NUP210L: variants seen among roughly 807,000 people sequenced by gnomAD.
The protein encoded by NUP210L is nuclear pore membrane glycoprotein 210-like.
Under a neutral mutation model 208.5 loss-of-function variants are expected in NUP210L, and 74 were observed. That is an observed-to-expected ratio of 0.35 (90% CI 0.29 to 0.43). The LOEUF (loss-of-function observed/expected upper bound fraction) is 0.43. Among genes scored for constraint, NUP210L ranks in the 20% least tolerant of loss-of-function variants. The pLI, the probability that NUP210L is intolerant of heterozygous loss-of-function variation, is 1.00. For synonymous variants in NUP210L, 780 were observed against 816.9 expected (o/e 0.95, Z 0.77); for missense variants, 1,843 against 2,289.4 (o/e 0.81, Z 3.98).
chr1:154,117,733 C>G, exon 12 of NUP210L: 13 of 1,350,096 alleles, frequency 9.6e-6, no homozygotes, highest in Non-Finnish European at 7.1e-6. Context: ...ACCTTAATTT[C>G]TCCATATCGA....
At chr1:154,032,021 C>T (rs1236463395) in intron 27 of NUP210L, among the ~76,000 whole-genome samples, 1 of 152,072 alleles carries the variant, frequency 6.6e-6, no homozygotes, top group African/African-American at 2.4e-5. Context: ...TGAGTTACGG[C>T]GCCCAGCCAT....
At chr1:154,055,127 C>CT (rs1234503880) in intron 23 of NUP210L, among the ~76,000 whole-genome samples, 54 of 17,976 alleles carry the variant, frequency 3.0e-3, no homozygotes, top group South Asian at 9.6e-3. Flanking sequence ...TCTTTCTTTT[C>CT]TTTCTTTCTT....
intron 16 of NUP210L, among the ~76,000 whole-genome samples, chr1:154,082,605 T>A (rs557682170): frequency 6.6e-6 from 1 of 152,298 alleles, no homozygotes; most frequent in South Asian, 2.1e-4. Flanking sequence ...ATATCCTTTA[T>A]AATAAACTGG....
chr1:154,096,128 T>C (rs1238723976), intron 14 of NUP210L, among the ~76,000 whole-genome samples: 2 of 152,142 alleles, frequency 1.3e-5, no homozygotes, highest in Non-Finnish European at 2.9e-5. Context: ...CAGTGTGTGA[T>C]GTTCCCCTCC....
At chr1:154,046,511 A>T in intron 25 of NUP210L, 142 bp from the exon 26 acceptor site, 1 of 687,628 alleles carries the variant, frequency 1.5e-6, no homozygotes, top group Non-Finnish European at 2.6e-6. Flanking sequence ...ACTATTCACA[A>T]TAGCCAATAT....
At chr1:154,002,166 A>C (rs1344247828) in intron 35 of NUP210L, among the ~76,000 whole-genome samples, 181 bp from the exon 36 acceptor site, 4 of 152,168 alleles carry the variant, frequency 2.6e-5, no homozygotes, top group Non-Finnish European at 5.9e-5. Context: ...CCAAATAAAA[A>C]GAAAAATACT....
intron 2 of NUP210L, among the ~76,000 whole-genome samples, chr1:154,148,268 G>GA (rs1186039766): frequency 6.0e-4 from 83 of 139,238 alleles, no homozygotes; most frequent in African/African-American, 7.6e-4. Context: ...CTCGGTCTCA[G>GA]AAAAAAAAAA....
intron 32 of NUP210L, among the ~76,000 whole-genome samples, chr1:154,021,402 G>T (rs991451778): frequency 1.3e-5 from 2 of 151,740 alleles, no homozygotes; most frequent in Non-Finnish European, 2.9e-5. Flanking sequence ...CAGGAGACTC[G>T]CTTGAACCCA....
chr1:154,084,254 C>T (rs948311116), intron 16 of NUP210L, among the ~76,000 whole-genome samples: 1 of 151,096 alleles, frequency 6.6e-6, no homozygotes, highest in African/African-American at 2.4e-5. Flanking sequence ...CTTTGTTGCC[C>T]AAACTGGAGT....
chr1:154,082,295 C>T (rs570449223), intron 16 of NUP210L, among the ~76,000 whole-genome samples: 30 of 152,090 alleles, frequency 2.0e-4, no homozygotes, highest in Non-Finnish European at 3.4e-4. Flanking sequence ...CCTTTAAAAC[C>T]GTGGAGTCAG....
exon 9 of NUP210L, chr1:154,127,342 T>C: frequency 3.1e-6 from 5 of 1,601,812 alleles, no homozygotes; most frequent in Non-Finnish European, 4.3e-6. Flanking sequence ...GCTGCTTTTA[T>C]CAAAGACGTC....
intron 23 of NUP210L, among the ~76,000 whole-genome samples, chr1:154,055,308 T>C (rs1480006713): frequency 6.6e-6 from 1 of 151,872 alleles, no homozygotes; most frequent in Non-Finnish European, 1.5e-5. Flanking sequence ...TGGAGTGCAG[T>C]GGCGAGACCT....
chr1:154,060,501 GC>G, intron 20 of NUP210L, 38 bp downstream of exon 20: 1 of 1,281,378 alleles, frequency 7.8e-7, no homozygotes, highest in Non-Finnish European at 1.1e-6. Flanking sequence ...ATGAGCTTTG[GC>G]CTGAGACCAT....
intron 38 of NUP210L, among the ~76,000 whole-genome samples, chr1:153,994,378 G>A (rs900198494): frequency 1.3e-4 from 19 of 151,866 alleles, no homozygotes; most frequent in African/African-American, 4.3e-4. Flanking sequence ...GCAGTGGCAC[G>A]ATCTTGGCTC....
At chr1:154,069,011 G>T (rs1571234089) in intron 17 of NUP210L, among the ~76,000 whole-genome samples, 1 of 152,090 alleles carries the variant, frequency 6.6e-6, no homozygotes, top group Admixed American at 6.6e-5. Context: ...AGCTGAAACT[G>T]AATCCCTTCC....
chr1:154,113,443 G>C (rs1657148576), intron 12 of NUP210L, among the ~76,000 whole-genome samples: 2 of 152,038 alleles, frequency 1.3e-5, no homozygotes, highest in East Asian at 3.9e-4. Flanking sequence ...ACTACGGCCT[G>C]TATACAACCT....
intron 37 of NUP210L, chr1:153,995,884 T>C: frequency 1.8e-6 from 1 of 560,170 alleles, no homozygotes; most frequent in Non-Finnish European, 3.5e-6. Context: ...CGTGACTGGA[T>C]CAAGTGTGCT....
At chr1:154,005,718 AT>A (rs886544011) in intron 35 of NUP210L, among the ~76,000 whole-genome samples, 9 of 110,790 alleles carry the variant, frequency 8.1e-5, no homozygotes, top group Non-Finnish European at 1.1e-4. Context: ...GTATTTTTGT[AT>A]TTTTTTTTCT....
intron 27 of NUP210L, among the ~76,000 whole-genome samples, chr1:154,033,021 AAG>A (rs1652346808): frequency 2.6e-5 from 4 of 151,974 alleles, no homozygotes; most frequent in East Asian, 1.9e-4. Flanking sequence ...AAGAAAGAAA[AAG>A]AAGGAAGGAA....
Sources: allele counts gnomAD v4.1 joint callset (sites outside exome capture counted in the v4.1 genomes callset), GRCh38; gene constraint gnomAD v4.1.1; transcripts MANE v1.5; gene names NCBI Gene and HGNC (gene_info 2026-07-23, HGNC 2026-07-21).